The following RIPOR2 variants were observed in gnomAD, a reference collection of about 807,000 sequenced individuals.
RIPOR2 encodes RHO family interacting cell polarization regulator 2.
Under a neutral mutation model 114.5 loss-of-function variants are expected in RIPOR2, and 39 were observed. That is an observed-to-expected ratio of 0.34 (90% CI 0.26 to 0.44). The LOEUF is 0.44. Ranked by LOEUF, RIPOR2 falls within the 20% of genes least tolerant of loss-of-function variation. The pLI is 1.00. For missense variants in RIPOR2, 1,007 were observed against 1,255.1 expected (o/e 0.80, Z 2.99); for synonymous variants, 445 against 484.4 (o/e 0.92, Z 1.07).
At chr6:24,987,885 T>A (rs559596468) in intron 1 of RIPOR2, among the ~76,000 whole-genome samples, 1 of 152,306 alleles carries the variant, frequency 6.6e-6, no homozygotes, top group Non-Finnish European at 1.5e-5. Context: ...ACCAGGCCTA[T>A]ACTGTCTTGT....
At chr6:25,015,051 A>G (rs1775909462) in intron 1 of RIPOR2, 1 of 152,214 alleles carries the variant, frequency 6.6e-6, no homozygotes, top group Non-Finnish European at 1.5e-5. Flanking sequence ...GGTAGCCAGC[A>G]AGATTTTTTT....
rs1034259818 is a variant in RIPOR2 at position 25,000,437 on chromosome 6, G to A, written c.76+41414C>T. 8.5e-5 allele frequency among the ~76,000 whole-genome samples: 13 copies of A among 152,266 alleles called. No homozygotes were observed. The East Asian group carries it at 2.5e-3, about 29-fold the overall frequency. Reference sequence around the variant, plus strand: ...ATCTCCTGAGCCCAGCCCTGTCCCTGACACATAGTAAGTGCTCAATTAGTC... The same window carrying A: ...ATCTCCTGAGCCCAGCCCTGTCCCTAACACATAGTAAGTGCTCAATTAGTC... On this transcript the variant is annotated intron_variant, in intron 1 of 13. Transcript: ENST00000510784.
intron 13 of RIPOR2, chr6:24,840,594 G>C: frequency 6.7e-7 from 1 of 1,497,794 alleles, no homozygotes; most frequent in South Asian, 1.3e-5. Context: ...ACTCCTTGCT[G>C]ATTTCTTAGC....
intron 1 of RIPOR2, among the ~76,000 whole-genome samples, chr6:24,930,025 C>A (rs2114142686): frequency 6.6e-6 from 1 of 152,280 alleles, no homozygotes; most frequent in South Asian, 2.1e-4. Context: ...CAGTGAGCTG[C>A]AATCACACCA....
intron 1 of RIPOR2, among the ~76,000 whole-genome samples, chr6:24,965,110 T>C (rs942575937): frequency 6.6e-6 from 1 of 151,438 alleles, no homozygotes; most frequent in Non-Finnish European, 1.5e-5. Flanking sequence ...TCCATTTCTT[T>C]GTCTCTCTGA....
intron 1 of RIPOR2, among the ~76,000 whole-genome samples, chr6:24,892,774 G>C (rs533724911): frequency 1.3e-5 from 2 of 152,290 alleles, no homozygotes; most frequent in South Asian, 4.1e-4. Context: ...AGGACAAGAA[G>C]AGACGCAGGA....
chr6:24,935,500 T>G (rs1000503630), intron 1 of RIPOR2, among the ~76,000 whole-genome samples: 19 of 152,118 alleles, frequency 1.2e-4, no homozygotes, highest in African/African-American at 4.6e-4. Context: ...CTCAAACCAC[T>G]GTGACAGGCT....
chr6:24,935,971 G>A, upstream of RIPOR2: 1 of 1,164,620 alleles, frequency 8.6e-7, no homozygotes, highest in African/African-American at 1.5e-5. Flanking sequence ...GCCGACCGAG[G>A]TGATTTCCTT....
At chr6:24,988,242 T>A (rs181596812) in intron 1 of RIPOR2, among the ~76,000 whole-genome samples, 1 of 152,276 alleles carries the variant, frequency 6.6e-6, no homozygotes, top group East Asian at 1.9e-4. Context: ...CAGGCTGGAG[T>A]GCAGTGGCAC....
At chr6:24,920,038 A>C (rs550125099) in intron 1 of RIPOR2, among the ~76,000 whole-genome samples, 13 of 152,386 alleles carry the variant, frequency 8.5e-5, no homozygotes, top group Admixed American at 8.5e-4. Flanking sequence ...ATTAGAATAA[A>C]GAGAAGTGAT....
At chr6:24,989,256 CT>C (rs1774676131) in intron 1 of RIPOR2, among the ~76,000 whole-genome samples, 1 of 150,806 alleles carries the variant, frequency 6.6e-6, no homozygotes, top group African/African-American at 2.4e-5. Flanking sequence ...ATTTGTAATA[CT>C]TATAAGTATA....
chr6:24,876,682 A>T (rs1347264949), intron 1 of RIPOR2, among the ~76,000 whole-genome samples: 1 of 152,248 alleles, frequency 6.6e-6, no homozygotes, highest in Non-Finnish European at 1.5e-5. Flanking sequence ...GGGTAAAGGG[A>T]GTGCTCACAA....
intron 1 of RIPOR2, among the ~76,000 whole-genome samples, chr6:24,967,511 C>G (rs1773580363): frequency 6.6e-6 from 1 of 152,150 alleles, no homozygotes; most frequent in South Asian, 2.1e-4. Flanking sequence ...GATCACACAG[C>G]TGGTGAGAAG....
rs200099895 is a variant in RIPOR2, at chr6:24,849,941, G to A, written c.895C>T (p.Leu299Phe). Residue 299 changes from leucine (L) to phenylalanine (F), a missense_variant, in exon 11 of 22, where the codon CTC (leucine) becomes TTC (phenylalanine). By Grantham distance (22) the Leu-to-Phe change is conservative. Coordinates refer to ENST00000643898, the MANE Select transcript of RIPOR2 (RefSeq NM_001286445.3). ...VGFISIKVTELKGLATHILVG... is the reference protein window; with the variant it reads ...VGFISIKVTEFKGLATHILVG... ...AGGATGTGAGTTGCTAGCCCTTTGAGCTCCGTGACCTAGCAGAGAGAGTGG... is the reference window on the plus strand; with the variant it reads ...AGGATGTGAGTTGCTAGCCCTTTGAACTCCGTGACCTAGCAGAGAGAGTGG... 13 of 1,613,516 alleles carry A rather than the reference G, an allele frequency of 8.1e-6. No individual in the cohort carries two copies. The highest frequency in any genetic ancestry group is 2.7e-5 in the African/African-American group (2 of 74,892).
At chr6:24,809,833 G>C (rs372188582) in intron 20 of RIPOR2, 26 bp from the exon 21 acceptor site, 2 of 1,432,270 alleles carry the variant, frequency 1.4e-6, no homozygotes, top group South Asian at 2.5e-5. Flanking sequence ...AGGTTAAATC[G>C]TGTTTTGACA....
At chr6:24,918,906 C>A (rs1173703727) in intron 1 of RIPOR2, among the ~76,000 whole-genome samples, 1 of 152,164 alleles carries the variant, frequency 6.6e-6, no homozygotes, top group East Asian at 1.9e-4. Flanking sequence ...CCATTAGATA[C>A]CCTAGCTAGC....
At chr6:25,011,997 G>C (rs1775791826) in intron 1 of RIPOR2, among the ~76,000 whole-genome samples, 1 of 152,290 alleles carries the variant, frequency 6.6e-6, no homozygotes, top group African/African-American at 2.4e-5. Flanking sequence ...TAAGGGGCTT[G>C]TGTCCAGAAC....
At chr6:24,911,513 C>T (rs1404749026) in intron 1 of RIPOR2, among the ~76,000 whole-genome samples, 4 of 152,126 alleles carry the variant, frequency 2.6e-5, no homozygotes, top group African/African-American at 9.7e-5. Context: ...TGGCTGCCCA[C>T]GGCAAGGGTT....
At chr6:24,876,883 C>G (rs1253033581) in intron 1 of RIPOR2, 2 of 803,794 alleles carry the variant, frequency 2.5e-6, no homozygotes, top group Non-Finnish European at 3.0e-6. Context: ...CTAGTTCCCC[C>G]AAAGGATGAC....
Sources: gnomAD v4.1 joint callset for allele counts (sites outside exome capture counted in the v4.1 genomes callset) on GRCh38, gnomAD v4.1.1 for gene constraint, MANE v1.5 for transcripts, NCBI Gene and HGNC (gene_info 2026-07-23, HGNC 2026-07-21) for gene names.